Variants in COL13A1 observed in about 807,000 individuals in gnomAD.
COL13A1 encodes collagen alpha-1(XIII) chain.
A neutral mutation model predicts 130.9 loss-of-function variants in COL13A1; 89 were observed. That is an observed-to-expected ratio of 0.68 (90% CI 0.57 to 0.81). The LOEUF is 0.81. COL13A1 is among the 30% of genes least tolerant of loss of function. The pLI, the probability that COL13A1 is intolerant of heterozygous loss-of-function variation, is 0.00. For missense variants in COL13A1, 879 were observed against 934.6 expected, an observed-to-expected ratio of 0.94 and a Z score of 0.78; for synonymous variants, 402 against 341.6, an observed-to-expected ratio of 1.18 and a Z score of -1.95.
intron 1 of COL13A1, among the ~76,000 whole-genome samples, chr10:69,808,241 C>T (rs572369171): frequency 6.9e-4 from 105 of 152,276 alleles, no homozygotes; most frequent in Non-Finnish European, 1.1e-3. Flanking sequence ...CTAAGCACAG[C>T]TTTACGGTTT....
intron 2 of COL13A1, among the ~76,000 whole-genome samples, chr10:69,838,649 G>A (rs796984466): frequency 6.6e-6 from 1 of 152,250 alleles, no homozygotes; most frequent in East Asian, 1.9e-4. Flanking sequence ...CCTTGCCAGA[G>A]GAATTTATTC....
chr10:69,919,824 C>G lies in COL13A1; in HGVS notation c.1089+97C>G, dbSNP rs545399361. On this transcript the variant is annotated intron_variant, in intron 21 of 40. Transcript: ENST00000645393. The stretch of plus-strand genomic sequence containing the variant: ...TCCATGGCTGGTGTGTCGCCTGCAG[C>G]GTGCTGTTGGTGCATGTGTTCCGAG... The G allele has an allele frequency of 1.7e-4, 67 of 398,304 alleles. No homozygotes were observed. In the Admixed American group the frequency reaches 2.0e-3, roughly 12 times the overall value. 24.7% of individuals were successfully genotyped at this position (398,304 alleles called of 1,614,324 possible).
intron 7 of COL13A1, among the ~76,000 whole-genome samples, chr10:69,882,020 G>A (rs530107913): frequency 6.6e-6 from 1 of 152,352 alleles, no homozygotes; most frequent in South Asian, 2.1e-4. Context: ...GGCTCACACG[G>A]TGGCTGCCCC....
rs1048293664 is a variant in COL13A1, at chr10:69,925,750, C to G, written c.1330-54C>G. 131 of 1,404,404 alleles carry G rather than the reference C, an allele frequency of 9.3e-5. No homozygotes were observed. The East Asian group carries it at 3.2e-3, about 34-fold the overall frequency. The allele number at this position is 1,404,404 out of a possible 1,614,324, so 87.0% of individuals were successfully genotyped here. A position where few individuals can be genotyped will look rare whatever the true frequency, so the allele number is the denominator to read the frequency against. Reference sequence around the variant, plus strand: ...GCTGATAGAGAGCAGGCCACAGTTGCCCTCCCGGCCCTCCCGGTCCAGGCC... The same window carrying G: ...GCTGATAGAGAGCAGGCCACAGTTGGCCTCCCGGCCCTCCCGGTCCAGGCC... On this transcript the variant is annotated intron_variant, in intron 25 of 40. Transcript: ENST00000645393.
At chr10:69,836,779 A>T (rs1313350983) in intron 2 of COL13A1, among the ~76,000 whole-genome samples, 4 of 152,164 alleles carry the variant, frequency 2.6e-5, no homozygotes, top group Non-Finnish European at 5.9e-5. Flanking sequence ...CTGGAGCTAG[A>T]ATGAGGACCA....
In COL13A1 at chr10:69,902,690, G is replaced by A; in HGVS notation, c.751-58G>A. The A allele has an allele frequency of 2.8e-6, 4 of 1,428,188 alleles. No individual in the cohort carries two copies. In the South Asian group the frequency reaches 3.9e-5, roughly 14 times the overall value. The allele number at this position is 1,428,188 out of a possible 1,614,324, so 88.5% of individuals were successfully genotyped here. A position where few individuals can be genotyped will look rare whatever the true frequency, so the allele number is the denominator to read the frequency against. On this transcript the variant is annotated intron_variant, in intron 14 of 40. Coordinates refer to ENST00000645393, the MANE Select transcript of COL13A1 (RefSeq NM_001368882.1). The stretch of plus-strand genomic sequence containing the variant: ...TCACTGGGTGCATGGCCTGAGGGTG[G>A]GGGACGGTCTGCAGCTCTGGGGGCC...
At position 69,807,293 on chromosome 10, in the gene COL13A1, C is replaced by T. The variant is rs1841851708; in HGVS notation, c.294+4576C>T. ...TTTACAGATGAGAAGACTGATGTCA[C>T]TGTACCTCCCTCCCACTATCTGTGA... On this transcript the variant is annotated intron_variant, in intron 1 of 40. Transcript: ENST00000645393. 1.3e-5 allele frequency among the ~76,000 whole-genome samples: 2 copies of T among 152,188 alleles called. 1 individual carries two copies. Among genetic ancestry groups the T allele is most frequent in the South Asian group, 4.1e-4 (2 of 4,832 alleles).
chr10:69,809,955 G>A (rs1842522565), intron 1 of COL13A1, among the ~76,000 whole-genome samples: 2 of 152,304 alleles, frequency 1.3e-5, no homozygotes, highest in South Asian at 2.1e-4. Flanking sequence ...TCAGCCAGTG[G>A]CAAAGGCTTT....
At chr10:69,880,016 G>A (rs943852375) in intron 6 of COL13A1, among the ~76,000 whole-genome samples, 2 of 152,114 alleles carry the variant, frequency 1.3e-5, no homozygotes, top group African/African-American at 2.4e-5. Context: ...CAGGGTGTGC[G>A]GCCAGATGGG....
chr10:69,928,751 G>A (rs527534042), intron 27 of COL13A1, among the ~76,000 whole-genome samples, 186 bp from the exon 28 acceptor site: 12 of 152,164 alleles, frequency 7.9e-5, no homozygotes, highest in Non-Finnish European at 1.3e-4. Flanking sequence ...GTCACACTTG[G>A]TGCTTATATG....
chr10:69,884,607 T>G (rs959680186), intron 7 of COL13A1, among the ~76,000 whole-genome samples: 1 of 152,258 alleles, frequency 6.6e-6, no homozygotes, highest in African/African-American at 2.4e-5. Flanking sequence ...CTTTTCACTC[T>G]GACCTTGAAT....
At chr10:69,929,095 AC>A in intron 28 of COL13A1, 96 bp downstream of exon 28, 2 of 939,368 alleles carry the variant, frequency 2.1e-6, no homozygotes, top group Non-Finnish European at 3.3e-6. Flanking sequence ...TCCCAGCACT[AC>A]CACCATACCC....
intron 2 of COL13A1, 55 bp from the exon 3 acceptor site, chr10:69,867,743 C>T (rs574632065): frequency 2.8e-6 from 2 of 717,146 alleles, no homozygotes; most frequent in East Asian, 5.4e-5. Context: ...GGCGGCCTCC[C>T]CACCGCCCCC....
chr10:69,818,337 G>A (rs957233581), intron 1 of COL13A1, among the ~76,000 whole-genome samples: 2 of 152,114 alleles, frequency 1.3e-5, no homozygotes, highest in Non-Finnish European at 2.9e-5. Flanking sequence ...TATACTCAAC[G>A]GGCTGCTGGA....
chr10:69,845,522 C>G (rs548490087), intron 2 of COL13A1, among the ~76,000 whole-genome samples: 1 of 151,904 alleles, frequency 6.6e-6, no homozygotes, highest in Admixed American at 6.6e-5. Flanking sequence ...CCTCTAAATA[C>G]CCCCACCCCT....
intron 9 of COL13A1, 27 bp from the exon 10 acceptor site, chr10:69,889,387 C>T: frequency 6.2e-7 from 1 of 1,606,954 alleles, no homozygotes; most frequent in East Asian, 2.2e-5. Context: ...AACAGTGCAC[C>T]TGGTACTCAC....
In COL13A1 at chr10:69,802,457, A is replaced by C. The variant is rs945122557; in HGVS notation, c.34A>C (p.Thr12Pro). 1 of 1,505,150 alleles carries C rather than the reference A, an allele frequency of 6.6e-7. No homozygotes were observed. Among genetic ancestry groups the C allele is most frequent in the Admixed American group, 2.5e-5 (1 of 40,646 alleles). The allele number at this position is 1,505,150 out of a possible 1,614,324, so 93.2% of individuals were successfully genotyped here. A position where few individuals can be genotyped will look rare whatever the true frequency, so the allele number is the denominator to read the frequency against. Reference protein sequence around the residue: ...VAERTHKAAATGARGPGELGA... With the variant: ...VAERTHKAAAPGARGPGELGA... ...GGAGCGCACCCACAAAGCGGCAGCC[A>C]CCGGTGCCCGCGGCCCTGGGGAGTT... Residue 12 changes from threonine (T) to proline (P), a missense_variant, in exon 1 of 41, where the codon ACC (threonine) becomes CCC (proline). Transcript: ENST00000645393.
At chr10:69,821,576 G>A (rs564852594) in intron 1 of COL13A1, among the ~76,000 whole-genome samples, 79 of 152,364 alleles carry the variant, frequency 5.2e-4, no homozygotes, top group Non-Finnish European at 9.3e-4. Context: ...TCTGAGAACT[G>A]TGTGTTAGTC....
At chr10:69,896,599 ACT>A (rs2061669045) in intron 13 of COL13A1, among the ~76,000 whole-genome samples, 1 of 151,920 alleles carries the variant, frequency 6.6e-6, no homozygotes, top group Non-Finnish European at 1.5e-5. Context: ...TGCCAGCTTG[ACT>A]CTAGAAGGCT....
Sources: gnomAD v4.1 joint callset for allele counts (sites outside exome capture counted in the v4.1 genomes callset) on GRCh38, gnomAD v4.1.1 for gene constraint, MANE v1.5 for transcripts, NCBI Gene and HGNC (gene_info 2026-07-23, HGNC 2026-07-21) for gene names.